RYR2: variants seen among roughly 807,000 people sequenced by gnomAD.
RYR2 encodes ryanodine receptor 2.
A neutral mutation model predicts 601.1 loss-of-function variants in RYR2; 227 were observed. The observed-to-expected ratio is 0.38, with a 90% CI of 0.34 to 0.42. RYR2 has a LOEUF of 0.42. RYR2 is among the 10% of genes least tolerant of loss of function. RYR2 has a pLI of 1.00. For synonymous variants in RYR2, 2,223 were observed against 2,175.1 expected, an observed-to-expected ratio of 1.02 and a Z score of -0.61; for missense variants, 4,646 against 6,156.5, an observed-to-expected ratio of 0.75 and a Z score of 8.21.
At position 237,594,886 on chromosome 1, in the gene RYR2, GTTTT is replaced by G. The variant is rs776702428; in HGVS notation, c.4437-570_4437-567del. 9.1e-4 allele frequency among the ~76,000 whole-genome samples: 55 copies of G among 60,416 alleles called. 2 individuals are homozygous for G. Among genetic ancestry groups the G allele is most frequent in the African/African-American group, 5.0e-3 (52 of 10,488 alleles). 39.6% of individuals were successfully genotyped at this position (60,416 alleles called of 152,430 possible). On this transcript the variant is annotated intron_variant, in intron 33 of 104. Transcript: ENST00000366574. ...TGGCATTTGTGGTTAATATCACTGG[GTTTT>G]TTTTTTTTTTTTTTTTTTTTTTTTT...
At chr1:237,326,259 G>A (rs572797880) in intron 2 of RYR2, among the ~76,000 whole-genome samples, 192 of 151,732 alleles carry the variant, frequency 1.3e-3, no homozygotes, top group Non-Finnish European at 2.3e-3. Flanking sequence ...GGAGGATGGT[G>A]ACCAGTTTGT....
chr1:237,648,313 G>A (rs1348584231), intron 48 of RYR2, 131 bp from the exon 49 acceptor site: 6 of 776,706 alleles, frequency 7.7e-6, no homozygotes, highest in Non-Finnish European at 9.7e-6. Flanking sequence ...TAGCTTGAGG[G>A]TAGTCGAAGA....
At chr1:237,047,742 T>G (rs150373076) in intron 1 of RYR2, among the ~76,000 whole-genome samples, 4 of 152,298 alleles carry the variant, frequency 2.6e-5, no homozygotes, top group African/African-American at 7.2e-5. Flanking sequence ...TTCTGGGTAA[T>G]TTTTTACATT....
intron 63 of RYR2, among the ~76,000 whole-genome samples, chr1:237,697,920 A>AT (rs1687633847): frequency 6.6e-6 from 1 of 152,102 alleles, no homozygotes; most frequent in Non-Finnish European, 1.5e-5. Context: ...TAAATACCTT[A>AT]TTTTTTCTTA....
At chr1:237,530,210 T>C (rs549297818) in intron 24 of RYR2, among the ~76,000 whole-genome samples, 5 of 151,768 alleles carry the variant, frequency 3.3e-5, no homozygotes, top group African/African-American at 1.2e-4. Context: ...ACTTGGGAGG[T>C]TGAGGCAGGA....
chr1:237,061,211 T>TTCTATCTGTCTA (rs1553275427), intron 1 of RYR2, among the ~76,000 whole-genome samples: 5 of 104,202 alleles, frequency 4.8e-5, no homozygotes, highest in African/African-American at 1.7e-4. Context: ...AATACGGTTG[T>TTCTATCTGTCTA]TCTATCTATC....
chr1:237,561,905 GAT>G (rs1364365453), intron 27 of RYR2, among the ~76,000 whole-genome samples: 1 of 152,088 alleles, frequency 6.6e-6, no homozygotes, highest in African/African-American at 2.4e-5. Flanking sequence ...AAAATTAAAA[GAT>G]AGATGTTGAG....
rs139877700 is a variant in RYR2, at chr1:237,474,021, G to A, written c.1708+4834G>A. Among the ~76,000 whole-genome samples, 116 of 151,978 alleles carry A rather than the reference G, an allele frequency of 7.6e-4. 1 individual carries two copies. The highest frequency in any genetic ancestry group is 2.6e-3 in the African/African-American group (109 of 41,494). ...GTGAGGAAAAAAAGCTGATGAATATGGAAAGGGGAAAGACGTGTGAGTAGA... is the reference window on the plus strand; with the variant it reads ...GTGAGGAAAAAAAGCTGATGAATATAGAAAGGGGAAAGACGTGTGAGTAGA... On this transcript the variant is annotated intron_variant, in intron 17 of 104. Coordinates refer to ENST00000366574, the MANE Select transcript of RYR2 (RefSeq NM_001035.3).
intron 44 of RYR2, among the ~76,000 whole-genome samples, chr1:237,637,472 A>T (rs3753629): frequency 0.21 from 32,340 of 152,126 alleles, 3,557 homozygotes; most frequent in East Asian, 0.24. Context: ...GGGTCATCTT[A>T]TCAAAAATTT....
rs535969905 is a variant in RYR2 at position 237,669,805 on chromosome 1, C to T, written c.8590+1847C>T. On this transcript the variant is annotated intron_variant, in intron 58 of 104. Coordinates refer to ENST00000366574, the MANE Select transcript of RYR2 (RefSeq NM_001035.3). ...GCAGAGACGCTCCTCACTTTCCAGA[C>T]TGGGCAGCCAGGCAGAGGGGCTCCT... is the stretch of plus-strand genomic sequence containing the variant. 6.8e-4 allele frequency among the ~76,000 whole-genome samples: 100 copies of T among 147,162 alleles called. No individual in the cohort carries two copies. In the East Asian group the frequency reaches 0.019, roughly 28 times the overall value.
At chr1:237,162,559 TTC>T (rs1676142100) in intron 1 of RYR2, among the ~76,000 whole-genome samples, 1 of 152,070 alleles carries the variant, frequency 6.6e-6, no homozygotes, top group African/African-American at 2.4e-5. Context: ...GTTGGAAACT[TTC>T]AGCTAATGTT....
intron 1 of RYR2, among the ~76,000 whole-genome samples, chr1:237,221,298 C>T (rs1683777064): frequency 6.6e-6 from 1 of 152,160 alleles, no homozygotes; most frequent in African/African-American, 2.4e-5. Context: ...AACACTGAAA[C>T]AGCTAAACCT....
intron 23 of RYR2, 150 bp downstream of exon 23, chr1:237,506,964 C>T (rs1343331206): frequency 4.3e-6 from 3 of 695,828 alleles, no homozygotes; most frequent in South Asian, 1.8e-5. Flanking sequence ...TGCAGTTTTG[C>T]CTTACTACGT....
intron 32 of RYR2, among the ~76,000 whole-genome samples, chr1:237,592,466 C>G (rs555513649): frequency 6.6e-6 from 1 of 151,820 alleles, no homozygotes; most frequent in South Asian, 2.1e-4. Context: ...AACGCTGTCT[C>G]TATTAAAAAT....
chr1:237,259,341 C>G (rs1688287550), intron 1 of RYR2, among the ~76,000 whole-genome samples: 1 of 151,932 alleles, frequency 6.6e-6, no homozygotes, highest in African/African-American at 2.4e-5. Flanking sequence ...AACTCTCTCT[C>G]TACTACAAAT....
At chr1:237,696,652 C>T (rs1355353410) in intron 63 of RYR2, among the ~76,000 whole-genome samples, 4 of 151,552 alleles carry the variant, frequency 2.6e-5, no homozygotes, top group East Asian at 2.0e-4. Flanking sequence ...CCCCCACCCC[C>T]GCCGCATCCC....
intron 1 of RYR2, among the ~76,000 whole-genome samples, chr1:237,165,979 G>A (rs1251982179): frequency 6.6e-6 from 1 of 152,116 alleles, no homozygotes; most frequent in Admixed American, 6.5e-5. Context: ...CTGAGTGACA[G>A]AGCAAAATCC....
At chr1:237,184,675 T>A (rs1309727964) in intron 1 of RYR2, among the ~76,000 whole-genome samples, 1 of 152,198 alleles carries the variant, frequency 6.6e-6, no homozygotes, top group East Asian at 1.9e-4. Flanking sequence ...GGTGGACTTA[T>A]GAACGGTCTA....
At chr1:237,385,865 G>C (rs562941772) in intron 8 of RYR2, among the ~76,000 whole-genome samples, 1 of 152,290 alleles carries the variant, frequency 6.6e-6, no homozygotes, top group South Asian at 2.1e-4. Context: ...ACCTGTGTCA[G>C]GTAGCTTCTA....
Sources: gnomAD v4.1 joint callset for allele counts (sites outside exome capture counted in the v4.1 genomes callset) on GRCh38, gnomAD v4.1.1 for gene constraint, MANE v1.5 for transcripts, NCBI Gene and HGNC (gene_info 2026-07-23, HGNC 2026-07-21) for gene names.